Variants in CASP6 observed in about 807,000 individuals in gnomAD.
CASP6 encodes caspase 6.
Under a neutral mutation model 31.8 loss-of-function variants are expected in CASP6, and 20 were observed. The ratio of observed to expected loss-of-function variants is 0.63; its 90% CI spans 0.44 to 0.91. The LOEUF (loss-of-function observed/expected upper bound fraction) is 0.91. Among genes scored for constraint, CASP6 ranks in the 40% least tolerant of loss-of-function variants. The pLI, the probability that CASP6 is intolerant of heterozygous loss-of-function variation, is 0.00. For synonymous variants in CASP6, 130 were observed against 127.8 expected (o/e 1.02, Z -0.12); for missense variants, 328 against 361.1 (o/e 0.91, Z 0.74).
the CASP6 span, among the ~76,000 whole-genome samples, chr4:109,682,056 T>C: frequency 8.0e-6 from 1 of 124,366 alleles, no homozygotes; most frequent in Non-Finnish European, 1.7e-5. Flanking sequence ...TTTGCCTAAT[T>C]AGCATTTTAG....
chr4:109,681,200 T>G, the CASP6 span, among the ~76,000 whole-genome samples: 2 of 152,218 alleles, frequency 1.3e-5, no homozygotes, highest in Non-Finnish European at 1.5e-5. Flanking sequence ...GAGGTGGCTC[T>G]GAACCTCAGC....
chr4:109,687,585 A>G, downstream of CASP6: 1 of 1,603,588 alleles, frequency 6.2e-7, no homozygotes. Flanking sequence ...CTCAATGAAA[A>G]GAATTAATCT....
At chr4:109,664,843 T>C in the CASP6 span, among the ~76,000 whole-genome samples, 2 of 152,276 alleles carry the variant, frequency 1.3e-5, no homozygotes, top group East Asian at 3.9e-4. Flanking sequence ...GATTTTACTT[T>C]AGGATCTTGA....
intron 2 of CASP6, 61 bp from the exon 3 acceptor site, chr4:109,697,829 A>G (rs1730297354): frequency 1.3e-6 from 2 of 1,561,252 alleles, no homozygotes; most frequent in Non-Finnish European, 1.7e-6. Context: ...AGCCCCTCCA[A>G]GTTCTAGGTC....
At chr4:109,703,131 G>C (rs1730478739) in intron 1 of CASP6, among the ~76,000 whole-genome samples, 1 of 152,176 alleles carries the variant, frequency 6.6e-6, no homozygotes, top group African/African-American at 2.4e-5. Context: ...CCGCCAGGAG[G>C]CGGCAGCCAG....
rs1298354527 is a variant in CASP6 at position 109,690,954 on chromosome 4, T to C, written c.539A>G (p.Asn180Ser). Residue 180 changes from asparagine (N) to serine (S), a missense_variant, in exon 6 of 7, where the codon AAT (asparagine) becomes AGT (serine). Physicochemically the swap from Asn to Ser is conservative, Grantham distance 46. Transcript: ENST00000265164. Reference sequence around the variant, plus strand: ...GTTGGTGTCCAACTTCTCTGTCTGATTATCTACTACATCCAAAGGAATGAC... The same window carrying C: ...GTTGGTGTCCAACTTCTCTGTCTGACTATCTACTACATCCAAAGGAATGAC... ...VPVIPLDVVD[N>S]QTEKLDTNIT... 6.2e-7 allele frequency: 1 copy of C among 1,613,982 alleles called. No individual in the cohort carries two copies. The highest frequency in any genetic ancestry group is 8.5e-7 in the Non-Finnish European group (1 of 1,179,930).
At chr4:109,675,572 G>A in the CASP6 span, among the ~76,000 whole-genome samples, 3 of 152,200 alleles carry the variant, frequency 2.0e-5, no homozygotes, top group African/African-American at 4.8e-5. Context: ...CCTGGTGATA[G>A]GTCAATAAGC....
chr4:109,706,017 T>TATAG (rs1730599830), upstream of CASP6, among the ~76,000 whole-genome samples: 1 of 100,248 alleles, frequency 1.0e-5, no homozygotes, highest in Admixed American at 1.1e-4. Flanking sequence ...TATATATATA[T>TATAG]ATATATATAT....
the CASP6 span, among the ~76,000 whole-genome samples, chr4:109,682,169 A>G: frequency 6.6e-6 from 1 of 152,226 alleles, no homozygotes; most frequent in Non-Finnish European, 1.5e-5. Context: ...TGGCCTAGGA[A>G]ATCCAGCTAG....
intron 4 of CASP6, 101 bp downstream of exon 4, chr4:109,696,305 CTTTT>C: frequency 2.5e-6 from 2 of 791,308 alleles, no homozygotes; most frequent in Admixed American, 2.7e-5. Flanking sequence ...TAAATTAATA[CTTTT>C]TTTGTCACAC....
chr4:109,671,517 C>T, the CASP6 span, among the ~76,000 whole-genome samples: 3 of 152,102 alleles, frequency 2.0e-5, no homozygotes, highest in Admixed American at 2.0e-4. Context: ...ACTGATGAGC[C>T]CATCAAAGGC....
the CASP6 span, among the ~76,000 whole-genome samples, chr4:109,673,290 A>G: frequency 8.5e-5 from 13 of 152,218 alleles, no homozygotes; most frequent in African/African-American, 3.1e-4. Flanking sequence ...CCATTACTCC[A>G]TATGACCTTC....
At chr4:109,681,744 A>G in the CASP6 span, among the ~76,000 whole-genome samples, 1 of 152,374 alleles carries the variant, frequency 6.6e-6, no homozygotes, top group Admixed American at 6.5e-5. Flanking sequence ...TCAGGAGCAC[A>G]GTGGACACCC....
the CASP6 span, among the ~76,000 whole-genome samples, chr4:109,679,908 TCTC>T: frequency 9.9e-5 from 15 of 152,084 alleles, no homozygotes; most frequent in South Asian, 2.1e-4. Flanking sequence ...TTCAAGCAAT[TCTC>T]CTGCCTCAGC....
chr4:109,684,736 C>T, downstream of CASP6: 1 of 659,862 alleles, frequency 1.5e-6, no homozygotes, highest in Middle Eastern at 4.3e-4. Flanking sequence ...TTTTTATTTA[C>T]TGAATTACTG....
chr4:109,676,274 C>T, the CASP6 span, among the ~76,000 whole-genome samples: 9 of 152,100 alleles, frequency 5.9e-5, no homozygotes, highest in Non-Finnish European at 1.0e-4. Context: ...TGTGGTGACT[C>T]GCACCTATAA....
At chr4:109,698,664 G>T (rs1490695514) in intron 1 of CASP6, among the ~76,000 whole-genome samples, 2 of 152,212 alleles carry the variant, frequency 1.3e-5, no homozygotes, top group African/African-American at 4.8e-5. Flanking sequence ...GTTGAAATAT[G>T]AAGTTGCTTT....
the CASP6 span, among the ~76,000 whole-genome samples, chr4:109,669,710 T>TC: frequency 6.6e-6 from 1 of 151,532 alleles, no homozygotes; most frequent in Non-Finnish European, 1.5e-5. Context: ...TTTTTTTTTT[T>TC]CAGTCTTTTT....
intron 2 of CASP6, 59 bp downstream of exon 2, chr4:109,698,241 G>A (rs1730312486): frequency 6.5e-7 from 1 of 1,540,898 alleles, no homozygotes; most frequent in Non-Finnish European, 8.8e-7. Context: ...TTTGATTTCT[G>A]TAGGCTGATC....
Sources: allele counts gnomAD v4.1 joint callset (sites outside exome capture counted in the v4.1 genomes callset), GRCh38; gene constraint gnomAD v4.1.1; transcripts MANE v1.5; gene names NCBI Gene and HGNC (gene_info 2026-07-23, HGNC 2026-07-21).